Variants in ZFAT observed in about 807,000 individuals in gnomAD.
ZFAT encodes zinc finger and AT-hook domain containing.
ZFAT carries 64 observed loss-of-function variants against 117.7 expected under a neutral mutation model. That is an observed-to-expected ratio of 0.54 (90% CI 0.44 to 0.67). ZFAT has a LOEUF of 0.67. ZFAT is among the 30% of genes least tolerant of loss of function. ZFAT has a pLI of 0.00. For synonymous variants in ZFAT, 679 were observed against 615.0 expected (o/e 1.10, Z -1.54); for missense variants, 1,433 against 1,584.5 (o/e 0.90, Z 1.62).
At chr8:134,553,626 T>C (rs76794405) in intron 11 of ZFAT, among the ~76,000 whole-genome samples, 1 of 151,910 alleles carries the variant, frequency 6.6e-6, no homozygotes, top group African/African-American at 2.4e-5. Context: ...AACAAAGTCA[T>C]GAAAGAAAGG....
chr8:134,772,447 CT>C, the ZFAT span, among the ~76,000 whole-genome samples: 1 of 152,158 alleles, frequency 6.6e-6, no homozygotes, highest in South Asian at 2.1e-4. Flanking sequence ...ACAATATCCG[CT>C]TAAGCCAAAG....
At chr8:134,629,366 G>A (rs1358244221) in intron 3 of ZFAT, among the ~76,000 whole-genome samples, 2 of 152,050 alleles carry the variant, frequency 1.3e-5, no homozygotes, top group East Asian at 1.9e-4. Context: ...CCATGCGGCC[G>A]TCACTAGTGA....
At chr8:134,762,188 A>G in the ZFAT span, among the ~76,000 whole-genome samples, 95 of 152,338 alleles carry the variant, frequency 6.2e-4, no homozygotes, top group African/African-American at 2.1e-3. Flanking sequence ...TACAGCAAGG[A>G]CCCAAATCAG....
At chr8:134,756,684 T>C in the ZFAT span, among the ~76,000 whole-genome samples, 1 of 152,222 alleles carries the variant, frequency 6.6e-6, no homozygotes, top group Non-Finnish European at 1.5e-5. Flanking sequence ...CAGTTCTGCT[T>C]CCTCCTAAGG....
intron 11 of ZFAT, among the ~76,000 whole-genome samples, chr8:134,536,652 GTC>G (rs2130597726): frequency 6.6e-6 from 1 of 152,262 alleles, no homozygotes; most frequent in East Asian, 1.9e-4. Context: ...CTAACTGCAA[GTC>G]TCAAGATTTC....
Position 134,601,988 on chromosome 8 carries a change from C to T in ZFAT, c.1731G>A (p.Leu577=). The T allele has an allele frequency of 6.2e-7, 1 of 1,613,606 alleles. No individual in the cohort carries two copies. The highest frequency in any genetic ancestry group is 1.7e-5 in the Admixed American group (1 of 60,022). ...AESTALPPCE[L]ETTVVSSSDL... ...CTGAGGAGGAGACCACGGTGGTTTC[C>T]AGCTCACAGGGTGGCAGGGCTGTGC... is the stretch of plus-strand genomic sequence containing the variant. Residue 577 remains leucine, a synonymous_variant, in exon 6 of 16, where the codon CTG becomes CTA. Coordinates refer to ENST00000377838, the MANE Select transcript of ZFAT (RefSeq NM_020863.4).
intron 15 of ZFAT, among the ~76,000 whole-genome samples, chr8:134,499,790 G>A (rs1400576753): frequency 6.6e-6 from 1 of 152,240 alleles, no homozygotes; most frequent in Non-Finnish European, 1.5e-5. Context: ...TAAGGCCGGG[G>A]GCCAGAGGGA....
At chr8:134,728,878 A>G in the ZFAT span, among the ~76,000 whole-genome samples, 1 of 152,156 alleles carries the variant, frequency 6.6e-6, no homozygotes, top group South Asian at 2.1e-4. Context: ...TAAATTTTTG[A>G]TGCTTTGGAG....
chr8:134,601,366 G>C (rs572595770), intron 6 of ZFAT, 111 bp downstream of exon 6: 3 of 1,443,380 alleles, frequency 2.1e-6, no homozygotes, highest in Admixed American at 2.2e-5. Context: ...GAGGAGGATG[G>C]CTCACTTAGA....
In ZFAT at chr8:134,712,849, C is replaced by A; in HGVS notation, c.15G>T (p.Ala5=). The A allele has an allele frequency of 1.3e-6, 2 of 1,503,618 alleles. No individual in the cohort carries two copies. Among genetic ancestry groups the A allele is most frequent in the South Asian group, 2.5e-5 (2 of 79,938 alleles). The allele number at this position is 1,503,618 out of a possible 1,614,324, so 93.1% of individuals were successfully genotyped here. Residue 5 remains alanine (A), a synonymous_variant, in exon 1 of 16, where the codon GCG becomes GCT. Transcript: ENST00000377838. ...CCAACCCCCAGCCCGGCTCACCTGC[C>A]GCCCGCGTCTCCATGGCAACGCCCC... METR[A]AENTAIFMCK... is the part of the protein sequence containing the mutation.
At chr8:134,525,885 G>A (rs726109) in intron 12 of ZFAT, among the ~76,000 whole-genome samples, 25,637 of 152,278 alleles carry the variant, frequency 0.17, 2,316 homozygotes, top group Non-Finnish European at 0.19. Context: ...CAAACATACT[G>A]TGCTGTTTTT....
intron 15 of ZFAT, among the ~76,000 whole-genome samples, chr8:134,503,192 A>T (rs1173420940): frequency 6.6e-6 from 1 of 152,218 alleles, no homozygotes; most frequent in African/African-American, 2.4e-5. Flanking sequence ...CTGGTGCTCC[A>T]TGGAGGACTC....
intron 1 of ZFAT, among the ~76,000 whole-genome samples, chr8:134,685,012 G>A (rs1833251515): frequency 6.6e-6 from 1 of 152,156 alleles, no homozygotes; most frequent in Non-Finnish European, 1.5e-5. Flanking sequence ...GCACAAAGTG[G>A]CACCCCCACC....
chr8:134,609,597 T>C (rs557679786), intron 4 of ZFAT, among the ~76,000 whole-genome samples: 6 of 152,330 alleles, frequency 3.9e-5, no homozygotes, highest in African/African-American at 1.4e-4. Context: ...ACTCTTAGCA[T>C]TGAAAATAGG....
chr8:134,594,290 T>C (rs1826750608), intron 7 of ZFAT, among the ~76,000 whole-genome samples: 1 of 152,222 alleles, frequency 6.6e-6, no homozygotes, highest in Admixed American at 6.5e-5. Context: ...AAACATTATG[T>C]GCAATCATTT....
the ZFAT span, among the ~76,000 whole-genome samples, chr8:134,725,533 A>G: frequency 1.3e-5 from 2 of 152,108 alleles, no homozygotes; most frequent in Non-Finnish European, 2.9e-5. Flanking sequence ...TGAGAACTCT[A>G]TCACAAGAAC....
intron 13 of ZFAT, among the ~76,000 whole-genome samples, chr8:134,513,010 A>T (rs1452296547): frequency 6.6e-6 from 1 of 152,062 alleles, no homozygotes; most frequent in African/African-American, 2.4e-5. Flanking sequence ...TGGCCAACAG[A>T]GGAAGGGGCA....
intron 10 of ZFAT, among the ~76,000 whole-genome samples, chr8:134,569,212 G>A (rs1824698665): frequency 6.6e-6 from 1 of 152,184 alleles, no homozygotes; most frequent in South Asian, 2.1e-4. Context: ...TTTCATGGAT[G>A]AGGACCTGGT....
intron 3 of ZFAT, among the ~76,000 whole-genome samples, chr8:134,619,004 G>T (rs1828928822): frequency 6.6e-6 from 1 of 152,178 alleles, no homozygotes; most frequent in African/African-American, 2.4e-5. Context: ...CCTGAGTCTG[G>T]TAGAGTGCAG....
Sources: allele counts gnomAD v4.1 joint callset (sites outside exome capture counted in the v4.1 genomes callset), GRCh38; gene constraint gnomAD v4.1.1; transcripts MANE v1.5; gene names NCBI Gene and HGNC (gene_info 2026-07-23, HGNC 2026-07-21).